Variants in CTBP2 observed in about 807,000 individuals in gnomAD.
The protein encoded by CTBP2 is C-terminal-binding protein 2.
In CTBP2, 30 loss-of-function variants were observed where a neutral mutation model predicts 80.3. The observed-to-expected ratio is 0.37, with a 90% CI of 0.28 to 0.51. The LOEUF (loss-of-function observed/expected upper bound fraction) is 0.51. CTBP2 is among the 20% of genes least tolerant of loss of function. The pLI, the probability that CTBP2 is intolerant of heterozygous loss-of-function variation, is 0.93. For missense variants in CTBP2, 1,212 were observed against 1,375.3 expected (o/e 0.88, Z 1.88); for synonymous variants, 594 against 587.4 (o/e 1.01, Z -0.16).
chr10:125,056,901 C>T (rs1590386214), intron 2 of CTBP2, among the ~76,000 whole-genome samples: 1 of 152,350 alleles, frequency 6.6e-6, no homozygotes, highest in East Asian at 1.9e-4. Flanking sequence ...TATCCACAGG[C>T]AGAGCTCTGG....
At chr10:125,097,674 T>C (rs1849743079) in intron 2 of CTBP2, among the ~76,000 whole-genome samples, 1 of 148,472 alleles carries the variant, frequency 6.7e-6, no homozygotes, top group Admixed American at 6.7e-5. Flanking sequence ...TGTGCACACG[T>C]GTGAGCATGC....
In CTBP2 at chr10:124,986,289, G is replaced by GCACACACACACACACA. The variant is rs1348841236; in HGVS notation, c.*3228_*3229insTGTGTGTGTGTGTGTG. The GCACACACACACACACA allele has an allele frequency of 9.2e-5, 10 of 108,358 alleles. No individual in the cohort carries two copies. The highest frequency in any genetic ancestry group is 2.9e-4 in the African/African-American group (8 of 27,546). The allele number at this position is 108,358 out of a possible 1,614,324, so 6.7% of individuals were successfully genotyped here. A position where few individuals can be genotyped will look rare whatever the true frequency, so the allele number is the denominator to read the frequency against. ...AAAGACGACACACGCACGCGCGCGC[G>GCACACACACACACACA]CGCACACACACACACACACACACAC... On this transcript the variant is annotated 3_prime_UTR_variant, in exon 9 of 9. Transcript: ENST00000309035.
At chr10:125,030,300 G>T (rs1410559163), upstream of CTBP2, among the ~76,000 whole-genome samples, 1 of 152,148 alleles carries the variant, frequency 6.6e-6, no homozygotes, top group Non-Finnish European at 1.5e-5. Flanking sequence ...CCTCACTATA[G>T]AAATTATGTC....
chr10:125,148,552 C>T (rs1481139273), intron 1 of CTBP2, among the ~76,000 whole-genome samples: 1 of 152,190 alleles, frequency 6.6e-6, no homozygotes, highest in East Asian at 1.9e-4. Context: ...ACGGGATTTG[C>T]TTCTAAGCTC....
intron 3 of CTBP2, among the ~76,000 whole-genome samples, chr10:125,034,174 G>A (rs1405457129): frequency 6.6e-6 from 1 of 152,140 alleles, no homozygotes; most frequent in African/African-American, 2.4e-5. Context: ...ATAAAACACC[G>A]AACCTGATTC....
intron 2 of CTBP2, among the ~76,000 whole-genome samples, chr10:125,075,109 C>A (rs1283298007): frequency 1.3e-5 from 2 of 152,194 alleles, no homozygotes; most frequent in African/African-American, 4.8e-5. Flanking sequence ...ACCATAAAAT[C>A]TAAGACTAGC....
rs1305435612 is a variant in CTBP2 at position 124,985,846 on chromosome 10, T to TC, written c.*3671dup. On this transcript the variant is annotated 3_prime_UTR_variant, in exon 9 of 9. Coordinates refer to ENST00000309035, the MANE Select transcript of CTBP2 (RefSeq NM_022802.3). ...GTGAAATGTGCTCACTTGGACTCCA[T>TC]CAACAATGTGCTGCTCCCAGATTGC... The TC allele has an allele frequency of 6.6e-6, 1 of 152,186 alleles. No individual in the cohort carries two copies. 9.4% of individuals were successfully genotyped at this position (152,186 alleles called of 1,614,324 possible).
rs2134026403 is a variant in CTBP2, at chr10:124,987,645, T to G, written c.*1873A>C. The G allele has an allele frequency of 6.6e-6, 1 of 152,280 alleles. No individual in the cohort carries two copies. Among genetic ancestry groups the G allele is most frequent in the Non-Finnish European group, 1.5e-5 (1 of 68,028 alleles). 9.4% of individuals were successfully genotyped at this position (152,280 alleles called of 1,614,324 possible). On this transcript the variant is annotated 3_prime_UTR_variant, in exon 9 of 9. Transcript: ENST00000309035. ...ACTATGAGCGCCGTCTCTCTCCATG[T>G]GAGCTTGTGTTAATAGACACTTTTA...
intron 2 of CTBP2, among the ~76,000 whole-genome samples, chr10:125,095,742 G>A (rs550799721): frequency 5.3e-5 from 8 of 152,328 alleles, no homozygotes; most frequent in Admixed American, 1.3e-4. Flanking sequence ...AGGGCCTGGG[G>A]ATTCAGGCTG....
intron 5 of CTBP2, 64 bp downstream of exon 7, chr10:124,994,405 G>T: frequency 1.3e-6 from 2 of 1,521,716 alleles, no homozygotes; most frequent in East Asian, 2.3e-5. Flanking sequence ...TGTCCCTCTT[G>T]TGCCCACAAG....
At chr10:125,028,773 C>T (rs1270856091), upstream of CTBP2, among the ~76,000 whole-genome samples, 1 of 152,230 alleles carries the variant, frequency 6.6e-6, no homozygotes, top group Non-Finnish European at 1.5e-5. Context: ...CTGAATATCT[C>T]ATCTTCCTTT....
intron 1 of CTBP2, among the ~76,000 whole-genome samples, chr10:125,120,918 C>A (rs923573598): frequency 2.0e-5 from 3 of 152,198 alleles, no homozygotes; most frequent in African/African-American, 7.2e-5. Flanking sequence ...ATTAAGGTGG[C>A]CAGATATCGG....
Position 124,984,904 on chromosome 10 carries a change from T to C in CTBP2, c.*4614A>G. 6.2e-7 allele frequency: 1 copy of C among 1,613,580 alleles called. No individual in the cohort carries two copies. Among genetic ancestry groups the C allele is most frequent in the Non-Finnish European group, 8.5e-7 (1 of 1,179,960 alleles). ...AATCACCCCCTGGTCACTCAGATGG[T>C]AGAAAAATGGCTTGACCGCTACCGA... On this transcript the variant is annotated 3_prime_UTR_variant, in exon 9 of 9. Coordinates refer to ENST00000309035, the MANE Select transcript of CTBP2 (RefSeq NM_022802.3).
intron 1 of CTBP2, among the ~76,000 whole-genome samples, chr10:125,016,891 T>C (rs557207253): frequency 6.6e-6 from 1 of 152,182 alleles, no homozygotes; most frequent in Non-Finnish European, 1.5e-5. Context: ...ATAAAAAGCA[T>C]CTAATAGGCA....
At chr10:124,998,494 C>A (rs903000185) in intron 3 of CTBP2, 3 of 389,650 alleles carry the variant, frequency 7.7e-6, no homozygotes, top group East Asian at 5.5e-5. Context: ...AGAAAGGACC[C>A]GGAGTGGCAG....
chr10:125,025,600 C>T (rs72830850), intron 1 of CTBP2, among the ~76,000 whole-genome samples: 13,031 of 152,248 alleles, frequency 0.086, 757 homozygotes, highest in Admixed American at 0.17. Context: ...TCTGATACGG[C>T]GTGCGGACCC....
At chr10:124,997,788 G>A in intron 4 of CTBP2, 176 bp downstream of exon 6, 1 of 626,406 alleles carries the variant, frequency 1.6e-6, no homozygotes, top group Non-Finnish European at 2.8e-6. Flanking sequence ...CCTCTAGGGT[G>A]AGTTGCCTGA....
At chr10:125,123,083 G>A (rs1854603822) in intron 1 of CTBP2, among the ~76,000 whole-genome samples, 1 of 152,220 alleles carries the variant, frequency 6.6e-6, no homozygotes, top group Non-Finnish European at 1.5e-5. Context: ...GAAGTAGGTA[G>A]GACACGCCAA....
Position 124,987,131 on chromosome 10 carries a change from TG to T in CTBP2, c.*2386del, listed in dbSNP as rs1358552413. On this transcript the variant is annotated 3_prime_UTR_variant, in exon 9 of 9. Transcript: ENST00000309035. Reference sequence around the variant, plus strand: ...ACTGGCTGTTAAAGGCCAAAAATTTTGGTAAATCAATGCTATATTATGCTCT... The same window carrying T: ...ACTGGCTGTTAAAGGCCAAAAATTTTGTAAATCAATGCTATATTATGCTCT... The T allele has an allele frequency of 1.3e-5, 2 of 152,740 alleles. No individual in the cohort carries two copies. The allele number at this position is 152,740 out of a possible 1,614,324, so 9.5% of individuals were successfully genotyped here.
Sources: gnomAD v4.1 joint callset for allele counts (sites outside exome capture counted in the v4.1 genomes callset) on GRCh38, gnomAD v4.1.1 for gene constraint, MANE v1.5 for transcripts, NCBI Gene and HGNC (gene_info 2026-07-23, HGNC 2026-07-21) for gene names.